The following RETREG1 variants were observed in gnomAD, a reference collection of about 807,000 sequenced individuals.
The protein encoded by RETREG1 is reticulophagy regulator 1.
Under a neutral mutation model 54.8 loss-of-function variants are expected in RETREG1, and 44 were observed. The ratio of observed to expected loss-of-function variants is 0.80; its 90% CI spans 0.63 to 1.03. The LOEUF (loss-of-function observed/expected upper bound fraction) is 1.03, where lower values mean the gene tolerates loss of function less well. Ranked by LOEUF, RETREG1 falls within the 50% of genes least tolerant of loss-of-function variation. The pLI is 0.00. For synonymous variants in RETREG1, 217 were observed against 238.5 expected, an observed-to-expected ratio of 0.91 and a Z score of 0.83; for missense variants, 554 against 605.1, an observed-to-expected ratio of 0.92 and a Z score of 0.89.
chr5:16,616,618 C>T (rs1196254807), intron 1 of RETREG1, 34 bp downstream of exon 1: 3 of 1,560,650 alleles, frequency 1.9e-6, no homozygotes, highest in Non-Finnish European at 2.6e-6. Context: ...GTCACCTGCC[C>T]TCCTCAGCGC....
At chr5:16,556,449 C>T (rs1741711438) in intron 3 of RETREG1, among the ~76,000 whole-genome samples, 1 of 151,910 alleles carries the variant, frequency 6.6e-6, no homozygotes, top group Non-Finnish European at 1.5e-5. Context: ...CGTGAGCTAC[C>T]GAGCGAGGAT....
In RETREG1 at chr5:16,533,614, A is replaced by G. The variant is rs112069820; in HGVS notation, c.458+32149T>C. Among the ~76,000 whole-genome samples the G allele has an allele frequency of 2.8e-3, 433 of 152,180 alleles. 5 individuals carry two copies. Among genetic ancestry groups the G allele is most frequent in the African/African-American group, 1.0e-2 (414 of 41,552 alleles). On this transcript the variant is annotated intron_variant, in intron 3 of 8. Transcript: ENST00000306320. ...GATTATGGTGAGAATTCACACCCCC[A>G]TGGGTTCTAGAGCTTGAGTGACCCA... is the stretch of plus-strand genomic sequence containing the variant.
chr5:16,583,688 T>TA (rs988362414), intron 1 of RETREG1, among the ~76,000 whole-genome samples: 2 of 152,098 alleles, frequency 1.3e-5, no homozygotes, highest in African/African-American at 4.8e-5. Context: ...TGATAATGGA[T>TA]AAAAAACACA....
At chr5:16,520,642 GA>G in intron 3 of RETREG1, among the ~76,000 whole-genome samples, 1 of 152,238 alleles carries the variant, frequency 6.6e-6, no homozygotes, top group Middle Eastern at 3.4e-3. Flanking sequence ...GTTTTTTTAA[GA>G]AAAGTTCATT....
At chr5:16,588,389 GA>G (rs917982111) in intron 1 of RETREG1, among the ~76,000 whole-genome samples, 9 of 152,128 alleles carry the variant, frequency 5.9e-5, no homozygotes, top group African/African-American at 1.9e-4. Context: ...ATGTAACCTT[GA>G]CTACCTTTAA....
intron 3 of RETREG1, among the ~76,000 whole-genome samples, chr5:16,557,835 T>C (rs1400656181): frequency 6.6e-6 from 1 of 152,176 alleles, no homozygotes; most frequent in African/African-American, 2.4e-5. Context: ...AGGGATGCTT[T>C]TTTAATTTAA....
In RETREG1 at chr5:16,616,851, C is replaced by CCTG; in HGVS notation, c.118_120dup (p.Gln40dup). The stretch of plus-strand genomic sequence containing the variant: ...GCCCCAGCTTCCTGCGCTTCCTCCT[C>CCTG]CTGCTGCTGCCGCTCTGCGGGGGAT... On this transcript the variant is annotated inframe_insertion, in exon 1 of 9. Coordinates refer to ENST00000306320, the MANE Select transcript of RETREG1 (RefSeq NM_001034850.3). 1 of 1,510,332 alleles carries CCTG rather than the reference C, an allele frequency of 6.6e-7. No homozygotes were observed. Among genetic ancestry groups the CCTG allele is most frequent in the Non-Finnish European group, 8.8e-7 (1 of 1,137,044 alleles). The allele number at this position is 1,510,332 out of a possible 1,614,324, so 93.6% of individuals were successfully genotyped here.
At chr5:16,535,911 G>C (rs900654226) in intron 3 of RETREG1, among the ~76,000 whole-genome samples, 2 of 149,028 alleles carry the variant, frequency 1.3e-5, no homozygotes, top group African/African-American at 5.0e-5. Flanking sequence ...CACAAAGTGG[G>C]AGCTGGGGTT....
chr5:16,492,038 C>T (rs924127349), intron 3 of RETREG1, among the ~76,000 whole-genome samples: 4 of 152,218 alleles, frequency 2.6e-5, no homozygotes, highest in Middle Eastern at 3.4e-3. Flanking sequence ...CCACATGGCC[C>T]ACCAGCATTT....
At chr5:16,550,956 A>T (rs1741518936) in intron 3 of RETREG1, among the ~76,000 whole-genome samples, 1 of 152,194 alleles carries the variant, frequency 6.6e-6, no homozygotes, top group South Asian at 2.1e-4. Context: ...GGATACGGGA[A>T]TTGACTGCTT....
intron 1 of RETREG1, among the ~76,000 whole-genome samples, chr5:16,611,027 C>A (rs1314375010): frequency 6.6e-6 from 1 of 152,150 alleles, no homozygotes; most frequent in African/African-American, 2.4e-5. Context: ...CAATGATAGA[C>A]TGGATTAAGA....
intron 3 of RETREG1, among the ~76,000 whole-genome samples, chr5:16,491,782 G>A (rs946191733): frequency 6.6e-6 from 1 of 152,060 alleles, no homozygotes; most frequent in Non-Finnish European, 1.5e-5. Flanking sequence ...CAGCACTTTG[G>A]GAGACAAAGG....
intron 3 of RETREG1, among the ~76,000 whole-genome samples, chr5:16,556,655 C>G (rs1021718665): frequency 6.6e-6 from 1 of 152,004 alleles, no homozygotes; most frequent in Non-Finnish European, 1.5e-5. Flanking sequence ...TACCTAATGT[C>G]CACTGCTGCC....
chr5:16,478,019 C>T lies in RETREG1; in HGVS notation c.873+15G>A. ...AAACCACACAGGAACAAATTGAAAA[C>T]TAAACAAAAAATACCTTAGGACAAA... is the stretch of plus-strand genomic sequence containing the variant. On this transcript the variant is annotated intron_variant, in intron 7 of 8. Transcript: ENST00000306320. 3 of 1,598,416 alleles carry T rather than the reference C, an allele frequency of 1.9e-6. No homozygotes were observed. The highest frequency in any genetic ancestry group is 2.6e-6 in the Non-Finnish European group (3 of 1,170,668).
chr5:16,580,276 G>C (rs1411852390), intron 1 of RETREG1, among the ~76,000 whole-genome samples: 2 of 152,174 alleles, frequency 1.3e-5, no homozygotes, highest in Non-Finnish European at 1.5e-5. Flanking sequence ...TATTAGCAGA[G>C]TGACCTAGAT....
chr5:16,574,803 AGTG>A (rs1328323621), intron 1 of RETREG1, among the ~76,000 whole-genome samples: 1 of 152,202 alleles, frequency 6.6e-6, no homozygotes, highest in Non-Finnish European at 1.5e-5. Flanking sequence ...ACCAAAAGGG[AGTG>A]GTGAATTAGG....
In RETREG1 at chr5:16,602,796, T is replaced by C. The variant is rs145121877; in HGVS notation, c.320+13856A>G. On this transcript the variant is annotated intron_variant, in intron 1 of 8. Coordinates refer to ENST00000306320, the MANE Select transcript of RETREG1 (RefSeq NM_001034850.3). ...GCCAAGGTGGGCAGATCACCTGAGG[T>C]TGGGAGTTTGAGAATAGCCTGACCA... Among the ~76,000 whole-genome samples, 1,129 of 151,956 alleles carry C rather than the reference T, an allele frequency of 7.4e-3. 8 individuals carry two copies. The highest frequency in any genetic ancestry group is 0.026 in the African/African-American group (1,083 of 41,436).
At chr5:16,540,881 G>A (rs1047693209) in intron 3 of RETREG1, among the ~76,000 whole-genome samples, 2 of 152,142 alleles carry the variant, frequency 1.3e-5, no homozygotes, top group Non-Finnish European at 2.9e-5. Flanking sequence ...CATGGGGACC[G>A]GGGAGTAGAA....
intron 2 of RETREG1, among the ~76,000 whole-genome samples, chr5:16,567,775 AG>A (rs1022504864): frequency 3.3e-5 from 5 of 152,090 alleles, no homozygotes; most frequent in African/African-American, 1.2e-4. Flanking sequence ...TGGGTAACAC[AG>A]CAAGACCCCA....
Sources: allele counts gnomAD v4.1 joint callset (sites outside exome capture counted in the v4.1 genomes callset), GRCh38; gene constraint gnomAD v4.1.1; transcripts MANE v1.5; gene names NCBI Gene and HGNC (gene_info 2026-07-23, HGNC 2026-07-21).